MTF1: variants seen among roughly 807,000 people sequenced by gnomAD.
MTF1 encodes the protein MRE-binding transcription factor.
A neutral mutation model predicts 70.4 loss-of-function variants in MTF1; 22 were observed. The ratio of observed to expected loss-of-function variants is 0.31; its 90% CI spans 0.22 to 0.45. MTF1 has a LOEUF of 0.45. Among genes scored for constraint, MTF1 ranks in the 20% least tolerant of loss-of-function variants. The pLI is 1.00. For missense variants in MTF1, 649 were observed against 922.0 expected, an observed-to-expected ratio of 0.70 and a Z score of 3.83; for synonymous variants, 333 against 352.8, an observed-to-expected ratio of 0.94 and a Z score of 0.63.
intron 6 of MTF1, among the ~76,000 whole-genome samples, 176 bp downstream of exon 6, chr1:37,834,903 G>A (rs933925331): frequency 6.6e-6 from 1 of 152,230 alleles, no homozygotes; most frequent in Non-Finnish European, 1.5e-5. Flanking sequence ...GATGATATCT[G>A]GGTGAAGACG....
chr1:37,828,451 C>T (rs946936203), intron 7 of MTF1, among the ~76,000 whole-genome samples: 4 of 152,150 alleles, frequency 2.6e-5, no homozygotes, highest in African/African-American at 9.7e-5. Context: ...ATTACAGGCG[C>T]CCGCCACCAC....
At position 37,812,465 on chromosome 1, in the gene MTF1, C is replaced by A. The variant is rs1387120731; in HGVS notation, c.*2671G>T. ...TAGTCTCTCTTGTAATCTAGAGTCA[C>A]CCTCAAAAGGCAGATACTTCAGCTT... On this transcript the variant is annotated 3_prime_UTR_variant, in exon 11 of 11. Transcript: ENST00000373036. 1 of 152,204 alleles carries A rather than the reference C, an allele frequency of 6.6e-6. No individual in the cohort carries two copies. The highest frequency in any genetic ancestry group is 6.5e-5 in the Admixed American group (1 of 15,288). 9.4% of individuals were successfully genotyped at this position (152,204 alleles called of 1,614,324 possible).
intron 2 of MTF1, among the ~76,000 whole-genome samples, chr1:37,851,814 T>C (rs1403050696): frequency 6.6e-6 from 1 of 151,704 alleles, no homozygotes; most frequent in Non-Finnish European, 1.5e-5. Flanking sequence ...TTGAGCTAGC[T>C]ACTACTGCCT....
At position 37,833,398 on chromosome 1, in the gene MTF1, G is replaced by T. The variant is rs530055141; in HGVS notation, c.991-1076C>A. Among the ~76,000 whole-genome samples the T allele has an allele frequency of 5.3e-5, 8 of 152,318 alleles. No individual in the cohort carries two copies. In the East Asian group the frequency reaches 1.5e-3, roughly 29 times the overall value. On this transcript the variant is annotated intron_variant, in intron 6 of 10. Coordinates refer to ENST00000373036, the MANE Select transcript of MTF1 (RefSeq NM_005955.3). ...TGGGCACTGAAAGGCTCCTTACTCA[G>T]AGTGGTACTGGGGATTTAGAATTCA... is the stretch of plus-strand genomic sequence containing the variant.
At chr1:37,829,280 T>C (rs1287981066) in intron 7 of MTF1, among the ~76,000 whole-genome samples, 1 of 151,728 alleles carries the variant, frequency 6.6e-6, no homozygotes, top group Admixed American at 6.6e-5. Flanking sequence ...AGAGATGAGG[T>C]CTCTATTAAA....
Position 37,822,118 on chromosome 1 carries a change from T to TA in MTF1, c.1767+2dup. On this transcript the variant is annotated splice_region_variant and intron_variant, in intron 9 of 10. Coordinates refer to ENST00000373036, the MANE Select transcript of MTF1 (RefSeq NM_005955.3). The stretch of plus-strand genomic sequence containing the variant: ...ACTGGGTATATTCATACATAATACT[T>TA]ACAATTTGTTCTTGGTTTTGTGGAG... 6.3e-7 allele frequency: 1 copy of TA among 1,583,930 alleles called. No homozygotes were observed. Among genetic ancestry groups the TA allele is most frequent in the African/African-American group, 1.3e-5 (1 of 74,600 alleles).
At chr1:37,852,805 A>G (rs543940214) in intron 2 of MTF1, among the ~76,000 whole-genome samples, 67 of 151,988 alleles carry the variant, frequency 4.4e-4, no homozygotes, top group Non-Finnish European at 8.2e-4. Flanking sequence ...TAATTTTTGT[A>G]TTTTTAGTAG....
At chr1:37,837,514 TA>T (rs1641188265) in intron 4 of MTF1, among the ~76,000 whole-genome samples, 1 of 152,178 alleles carries the variant, frequency 6.6e-6, no homozygotes, top group African/African-American at 2.4e-5. Context: ...TTTTTATTTT[TA>T]TTTTTTTTGA....
Position 37,822,635 on chromosome 1 carries a change from G to C in MTF1, c.1253C>G (p.Ser418Cys), listed in dbSNP as rs545332716. 6 of 1,613,954 alleles carry C rather than the reference G, an allele frequency of 3.7e-6. No homozygotes were observed. The East Asian group carries it at 1.3e-4, about 36-fold the overall frequency. ...PPSTGNSASL[S>C]LPLVLQPGLS... ...GCCAGGTTGCAGTACAAGTGGAAGAGATAAAGATGCTGAATTTCCTGTGGA... is the reference window on the plus strand; with the variant it reads ...GCCAGGTTGCAGTACAAGTGGAAGACATAAAGATGCTGAATTTCCTGTGGA... Residue 418 changes from serine to cysteine, a missense_variant, in exon 9 of 11, where the codon TCT becomes TGT. Physicochemically the swap from Ser to Cys is moderately radical, Grantham distance 112. This residue lies in a region of MTF1 where 267 missense variants were observed against 292.1 expected (regional missense o/e 0.91). Coordinates refer to ENST00000373036, the MANE Select transcript of MTF1 (RefSeq NM_005955.3).
rs1641571965 is a variant in MTF1, at chr1:37,859,555, C to A, written c.-76G>T. Reference sequence around the variant, plus strand: ...CCTCCGCGGCTCCCGGCAACGGCGGCAGCAGCAGCTTCTCCCCTCCCCAGC... The same window carrying A: ...CCTCCGCGGCTCCCGGCAACGGCGGAAGCAGCAGCTTCTCCCCTCCCCAGC... On this transcript the variant is annotated 5_prime_UTR_variant, in exon 1 of 11. Coordinates refer to ENST00000373036, the MANE Select transcript of MTF1 (RefSeq NM_005955.3). 2.5e-6 allele frequency: 1 copy of A among 399,120 alleles called. No homozygotes were observed. Among genetic ancestry groups the A allele is most frequent in the Non-Finnish European group, 4.4e-6 (1 of 226,474 alleles). The allele number at this position is 399,120 out of a possible 1,614,324, so 24.7% of individuals were successfully genotyped here. A position where few individuals can be genotyped will look rare whatever the true frequency, so the allele number is the denominator to read the frequency against.
Position 37,850,566 on chromosome 1 carries a change from AAGAG to A in MTF1, c.408+6681_408+6684del, listed in dbSNP as rs59048233. On this transcript the variant is annotated intron_variant, in intron 2 of 10. Transcript: ENST00000373036. ...GAAAGAGAAAAAAAAGGGAGAGAGA[AAGAG>A]AGAGAGAGAGAGAGAGAGATCTCAA... Among the ~76,000 whole-genome samples, 721 of 146,622 alleles carry A rather than the reference AAGAG, an allele frequency of 4.9e-3. 8 individuals carry two copies. Among genetic ancestry groups the A allele is most frequent in the African/African-American group, 0.015 (583 of 39,298 alleles).
chr1:37,828,186 A>C (rs1204501384), intron 7 of MTF1: 6 of 416,334 alleles, frequency 1.4e-5, no homozygotes, highest in Middle Eastern at 6.8e-4. Context: ...AAAAAAAAAA[A>C]CAGGAAAAAC....
chr1:37,849,620 A>C (rs953433727), intron 2 of MTF1, among the ~76,000 whole-genome samples: 1 of 152,130 alleles, frequency 6.6e-6, no homozygotes, highest in African/African-American at 2.4e-5. Flanking sequence ...AGGATACATC[A>C]CGTCACCAAT....
At chr1:37,848,960 C>T (rs1641373885) in intron 2 of MTF1, among the ~76,000 whole-genome samples, 2 of 152,144 alleles carry the variant, frequency 1.3e-5, no homozygotes, top group African/African-American at 4.8e-5. Context: ...GGAACTAGGT[C>T]TCCCAAAGTA....
chr1:37,833,465 T>C (rs902006107), intron 6 of MTF1, among the ~76,000 whole-genome samples: 3 of 152,188 alleles, frequency 2.0e-5, no homozygotes, highest in Non-Finnish European at 2.9e-5. Flanking sequence ...AGTCCCAGAA[T>C]GCCAGTCACA....
intron 2 of MTF1, among the ~76,000 whole-genome samples, chr1:37,847,499 C>A (rs527911824): frequency 1.3e-5 from 2 of 152,212 alleles, no homozygotes; most frequent in Non-Finnish European, 2.9e-5. Context: ...CTCTCTCCAC[C>A]ACCATTGCCA....
chr1:37,858,454 G>A (rs1000528482), intron 1 of MTF1: 1 of 152,210 alleles, frequency 6.6e-6, no homozygotes, highest in Non-Finnish European at 1.5e-5. Flanking sequence ...TTGGTAAATA[G>A]TAGAGGAACA....
intron 7 of MTF1, among the ~76,000 whole-genome samples, chr1:37,828,439 G>A (rs1326752820): frequency 2.6e-5 from 4 of 152,150 alleles, no homozygotes; most frequent in Non-Finnish European, 1.5e-5. Context: ...CGAGTAGCTA[G>A]GATTACAGGC....
chr1:37,838,608 A>C lies in MTF1; in HGVS notation c.779+17T>G. ...CTGAAACCTGGTCAGTGACAAATAG[A>C]AAACAGTAAGACCTACCGAAATGGC... is the stretch of plus-strand genomic sequence containing the variant. On this transcript the variant is annotated intron_variant, in intron 4 of 10. Transcript: ENST00000373036. 1 of 1,602,926 alleles carries C rather than the reference A, an allele frequency of 6.2e-7. No homozygotes were observed. The highest frequency in any genetic ancestry group is 1.1e-5 in the South Asian group (1 of 90,326).
Sources: gnomAD v4.1 joint callset for allele counts (sites outside exome capture counted in the v4.1 genomes callset) on GRCh38, gnomAD v4.1.1 for gene constraint, gnomAD v4.1.1 regional missense constraint, MANE v1.5 for transcripts, NCBI Gene and HGNC (gene_info 2026-07-23, HGNC 2026-07-21) for gene names.